The following IRAG1 variants were observed in gnomAD, a reference collection of about 807,000 sequenced individuals.
The protein encoded by IRAG1 is inositol 1,4,5-triphosphate receptor associated 1, also known as IP3R-associated cGMP kinase substrate.
IRAG1 carries 62 observed loss-of-function variants against 106.2 expected under a neutral mutation model. The observed-to-expected ratio is 0.58, with a 90% CI of 0.48 to 0.72. The LOEUF (loss-of-function observed/expected upper bound fraction) is 0.72, where lower values mean the gene tolerates loss of function less well. IRAG1 is among the 30% of genes least tolerant of loss of function. IRAG1 has a pLI of 0.00. For missense variants in IRAG1, 1,064 were observed against 1,140.7 expected (o/e 0.93, Z 0.97); for synonymous variants, 462 against 443.9 (o/e 1.04, Z -0.51).
chr11:10,682,851 T>C (rs1861370768), intron 1 of IRAG1, among the ~76,000 whole-genome samples: 1 of 152,200 alleles, frequency 6.6e-6, no homozygotes, highest in Admixed American at 6.5e-5. Context: ...ACCACATTTA[T>C]ACCCCACAAT....
At chr11:10,615,020 T>G (rs886234667) in intron 10 of IRAG1, among the ~76,000 whole-genome samples, 3 of 152,032 alleles carry the variant, frequency 2.0e-5, no homozygotes. Context: ...AGGAGAAAAT[T>G]TTTGCAATCT....
At chr11:10,617,078 C>A in intron 10 of IRAG1, 1 of 985,364 alleles carries the variant, frequency 1.0e-6, no homozygotes, top group Non-Finnish European at 1.2e-6. Flanking sequence ...CTGCCCAAGA[C>A]CTGAGGCTCT....
Position 10,603,172 on chromosome 11 carries a change from C to T in IRAG1, c.1823G>A (p.Arg608His), listed in dbSNP as rs967265735. The change falls in exon 14 of 21, where the codon CGC becomes CAC. Residue 608 changes from arginine to histidine, a missense_variant. Transcript: ENST00000423302. ...KLLEDIAVLH[R>H]LAARLSSRAE... ...TCGGCTGGAGAGGCGGGCAGCCAGG[C>T]GGTGCAGGACAGCGATGTCCTCCAG... 6.8e-6 allele frequency: 11 copies of T among 1,608,510 alleles called. No homozygotes were observed. Among genetic ancestry groups the T allele is most frequent in the Admixed American group, 1.7e-5 (1 of 59,310 alleles).
At chr11:10,627,336 T>C (rs1283100578) in intron 8 of IRAG1, among the ~76,000 whole-genome samples, 1 of 152,070 alleles carries the variant, frequency 6.6e-6, no homozygotes, top group Non-Finnish European at 1.5e-5. Flanking sequence ...TCAACAAAGA[T>C]GAGGTTTTCC....
intron 2 of IRAG1, among the ~76,000 whole-genome samples, chr11:10,634,302 G>A (rs1023073172): frequency 1.3e-5 from 2 of 152,160 alleles, no homozygotes; most frequent in Non-Finnish European, 2.9e-5. Flanking sequence ...ACAATGTTTT[G>A]ATACAATGTG....
intron 20 of IRAG1, among the ~76,000 whole-genome samples, chr11:10,579,604 T>C (rs1851184611): frequency 1.8e-5 from 1 of 55,106 alleles, no homozygotes; most frequent in South Asian, 4.0e-4. Flanking sequence ...GGTTATTATA[T>C]CTGTGGGGTA....
At chr11:10,685,073 T>G (rs1178288207) in intron 1 of IRAG1, among the ~76,000 whole-genome samples, 1 of 152,142 alleles carries the variant, frequency 6.6e-6, no homozygotes, top group Non-Finnish European at 1.5e-5. Flanking sequence ...CCTTCTTACC[T>G]AAATCTCTAT....
intron 5 of IRAG1, 89 bp downstream of exon 5, chr11:10,629,449 G>T: frequency 7.0e-7 from 1 of 1,425,696 alleles, no homozygotes; most frequent in Non-Finnish European, 9.4e-7. Flanking sequence ...CTCCTCGGAG[G>T]TGAGGCGCCC....
At position 10,628,016 on chromosome 11, in the gene IRAG1, A is replaced by G. The variant is rs2134588861; in HGVS notation, c.662T>C (p.Val221Ala). 6.2e-7 allele frequency: 1 copy of G among 1,613,534 alleles called. No homozygotes were observed. Among genetic ancestry groups the G allele is most frequent in the Non-Finnish European group, 8.5e-7 (1 of 1,179,602 alleles). ...CAGAGGGGATGGCGGGCCACTGCAC[A>G]CATCCAAACCTGGAAGGGTCCAGAC... Reference protein sequence around the residue: ...LTVPTPPGLDVCSGPPSPLPG... With the variant: ...LTVPTPPGLDACSGPPSPLPG... Residue 221 changes from valine to alanine, a missense_variant, in exon 7 of 21, where the codon GTG (valine) becomes GCG (alanine). Val to Ala is a moderately conservative substitution (Grantham distance 64). Transcript: ENST00000423302. The surrounding 1 kb of genome is among the most constrained non-coding windows in gnomAD (Gnocchi z 4.1).
At chr11:10,608,664 TC>T (rs1347164585) in intron 11 of IRAG1, among the ~76,000 whole-genome samples, 2 of 152,346 alleles carry the variant, frequency 1.3e-5, no homozygotes, top group East Asian at 3.9e-4. Flanking sequence ...TCTATTTAAA[TC>T]CTTTCCCCAT....
chr11:10,635,307 C>G (rs1857069162), intron 2 of IRAG1, among the ~76,000 whole-genome samples: 1 of 152,244 alleles, frequency 6.6e-6, no homozygotes, highest in Non-Finnish European at 1.5e-5. Context: ...TGTGCTGCCA[C>G]TGCTCCCTCT....
chr11:10,581,195 G>C (rs1474250411), intron 19 of IRAG1, among the ~76,000 whole-genome samples: 4 of 152,192 alleles, frequency 2.6e-5, no homozygotes, highest in Non-Finnish European at 5.9e-5. Context: ...CCTATGCTGA[G>C]TGTCTAACAC....
chr11:10,600,638 C>G (rs1290508957), intron 15 of IRAG1, among the ~76,000 whole-genome samples: 1 of 152,212 alleles, frequency 6.6e-6, no homozygotes, highest in Non-Finnish European at 1.5e-5. Context: ...AGTCCAAGAG[C>G]TCTTGTAGCC....
intron 20 of IRAG1, among the ~76,000 whole-genome samples, chr11:10,579,954 A>T: frequency 6.6e-6 from 1 of 152,232 alleles, no homozygotes; most frequent in Non-Finnish European, 1.5e-5. Flanking sequence ...TCAGCATGGT[A>T]GGCACCTGCT....
rs555077641 is a variant in IRAG1 at position 10,662,481 on chromosome 11, G to C, written c.68-10299C>G. 2.0e-5 allele frequency among the ~76,000 whole-genome samples: 3 copies of C among 152,322 alleles called. No individual in the cohort carries two copies. The South Asian group carries it at 6.2e-4, about 32-fold the overall frequency. On this transcript the variant is annotated intron_variant, in intron 1 of 20. Coordinates refer to ENST00000423302, the MANE Select transcript of IRAG1 (RefSeq NM_130385.4). ...CCTTCTCTGACACCTTCATGCTTCT[G>C]TTCTGCCATCCAGGAGTAATTTGCA...
chr11:10,627,805 C>T (rs756567811), intron 7 of IRAG1, 45 bp from the exon 8 acceptor site: 21 of 1,612,812 alleles, frequency 1.3e-5, no homozygotes, highest in Non-Finnish European at 1.7e-5. Context: ...TGGGAAGAGA[C>T]CGTGTTTCCT....
At position 10,668,524 on chromosome 11, in the gene IRAG1, G is replaced by T. The variant is rs528432849; in HGVS notation, c.68-16342C>A. Among the ~76,000 whole-genome samples, 14 of 152,280 alleles carry T rather than the reference G, an allele frequency of 9.2e-5. 1 individual carries two copies. In the South Asian group the frequency reaches 2.9e-3, roughly 32 times the overall value. ...CAAAATACAGCACAACCATTCATTT[G>T]TATATTGTCTATGGCTGTTTTCATG... On this transcript the variant is annotated intron_variant, in intron 1 of 20. Coordinates refer to ENST00000423302, the MANE Select transcript of IRAG1 (RefSeq NM_130385.4).
chr11:10,583,712 C>G (rs1851628647), intron 18 of IRAG1, among the ~76,000 whole-genome samples: 1 of 151,966 alleles, frequency 6.6e-6, no homozygotes, highest in Non-Finnish European at 1.5e-5. Context: ...GAAAGGGATG[C>G]CCGAAGGAAC....
intron 18 of IRAG1, among the ~76,000 whole-genome samples, chr11:10,587,821 T>A (rs1433372937): frequency 1.3e-5 from 2 of 152,320 alleles, no homozygotes; most frequent in Non-Finnish European, 2.9e-5. Flanking sequence ...TTCTCTATGG[T>A]CACACTGAAC....
Sources: allele counts gnomAD v4.1 joint callset (sites outside exome capture counted in the v4.1 genomes callset), GRCh38; gene constraint gnomAD v4.1.1; non-coding constraint Gnocchi (gnomAD v3.1); transcripts MANE v1.5; gene names NCBI Gene and HGNC (gene_info 2026-07-23, HGNC 2026-07-21).